Variants in TRIM65 observed in about 807,000 individuals in gnomAD.
TRIM65 encodes E3 ubiquitin-protein ligase TRIM65.
A neutral mutation model predicts 36.1 loss-of-function variants in TRIM65; 46 were observed. That is an observed-to-expected ratio of 1.27 (90% confidence interval 1.01 to 1.63). The LOEUF (loss-of-function observed/expected upper bound fraction) is 1.63, where lower values mean the gene tolerates loss of function less well. Ranked by LOEUF, TRIM65 falls within the 40% of genes most tolerant of loss-of-function variation. The probability of loss-of-function intolerance (pLI) is 0.00; values close to 1 mark genes in which losing one functional copy is unlikely to be tolerated. For missense variants in TRIM65, 708 were observed against 696.6 expected (o/e 1.02, Z -0.18); for synonymous variants, 346 against 313.6 (o/e 1.10, Z -1.09).
rs867138874 is a variant in TRIM65, at chr17:75,895,179, T to G, written c.414+1345A>C. Among the ~76,000 whole-genome samples the G allele has an allele frequency of 2.6e-5, 4 of 152,284 alleles. 1 individual carries two copies. The Middle Eastern group carries it at 0.01, about 388-fold the overall frequency. On this transcript the variant is annotated intron_variant, in intron 1 of 5. Transcript: ENST00000269383. Reference sequence around the variant, plus strand: ...TTGCCGCCCTCTCTGCTGTCCCCCGTGTCCCCTCTGGCCTGCTTTCGCCTC... The same window carrying G: ...TTGCCGCCCTCTCTGCTGTCCCCCGGGTCCCCTCTGGCCTGCTTTCGCCTC...
chr17:75,896,477 A>G, intron 1 of TRIM65, 47 bp downstream of exon 1: 2 of 1,289,226 alleles, frequency 1.6e-6, no homozygotes, highest in Non-Finnish European at 9.8e-7. Flanking sequence ...GGCGGTGGCC[A>G]GGCTGCGGCG....
At chr17:75,895,421 C>A (rs2144101692) in intron 1 of TRIM65, among the ~76,000 whole-genome samples, 2 of 152,262 alleles carry the variant, frequency 1.3e-5, no homozygotes, top group Non-Finnish European at 2.9e-5. Flanking sequence ...CCCCATGACC[C>A]TACAGTAAGA....
At position 75,892,088 on chromosome 17, in the gene TRIM65, C is replaced by T; in HGVS notation, c.842G>A (p.Ser281Asn). ...QQLGDLKQLL[S>N]RLCGLLLEEG... ...TTCCAAGAGGAGGCCACACAGCCGGCTTAGCAACTGCTTCAGGTCACCCAG... is the reference window on the plus strand; with the variant it reads ...TTCCAAGAGGAGGCCACACAGCCGGTTTAGCAACTGCTTCAGGTCACCCAG... The change falls in exon 4 of 6, where the codon AGC becomes AAC. Residue 281 changes from serine (S) to asparagine (N), a missense_variant. Physicochemically the swap from Ser to Asn is conservative, Grantham distance 46. Transcript: ENST00000269383. 1 of 1,553,102 alleles carries T rather than the reference C, an allele frequency of 6.4e-7. No homozygotes were observed. The highest frequency in any genetic ancestry group is 1.2e-5 in the South Asian group (1 of 84,200).
rs772443488 is a variant in TRIM65 at position 75,891,112 on chromosome 17, G to T, written c.1221C>A (p.Cys407Ter). ...LGVSYPQLPR[C>*]RLGPHTDNIG... ...TGTTGTCTGTGTGGGGCCCCAGCCT[G>T]CACCGTGGCAGTTGCGGGTAGGAGA... Residue 407 changes from cysteine (C) to a stop codon, truncating the protein, a stop_gained, in exon 6 of 6, where the codon TGC (cysteine) becomes TGA (stop). Transcript: ENST00000269383. LOFTEE classifies it low-confidence loss of function (END_TRUNC). 1 of 1,609,254 alleles carries T rather than the reference G, an allele frequency of 6.2e-7. No individual in the cohort carries two copies. Among genetic ancestry groups the T allele is most frequent in the Non-Finnish European group, 8.5e-7 (1 of 1,179,898 alleles).
At position 75,889,104 on chromosome 17, in the gene TRIM65, T is replaced by G. The variant is rs1357576397; in HGVS notation, c.*1675A>C. 1 of 149,820 alleles carries G rather than the reference T, an allele frequency of 6.7e-6. No homozygotes were observed. Among genetic ancestry groups the G allele is most frequent in the East Asian group, 2.0e-4 (1 of 5,058 alleles). The allele number at this position is 149,820 out of a possible 1,614,324, so 9.3% of individuals were successfully genotyped here. On this transcript the variant is annotated 3_prime_UTR_variant, in exon 6 of 6. Transcript: ENST00000269383. ...CAGAGTCTCGCTCTGTCACCCAGGC[T>G]GTAGTCCAGTGGTGCAATCTCAGCT...
rs1335430428 is a variant in TRIM65 at position 75,890,355 on chromosome 17, G to C, written c.*424C>G. 6.3e-6 allele frequency: 1 copy of C among 159,764 alleles called. No individual in the cohort carries two copies. Among genetic ancestry groups the C allele is most frequent in the African/African-American group, 2.4e-5 (1 of 41,772 alleles). 9.9% of individuals were successfully genotyped at this position (159,764 alleles called of 1,614,324 possible). A position where few individuals can be genotyped will look rare whatever the true frequency, so the allele number is the denominator to read the frequency against. On this transcript the variant is annotated 3_prime_UTR_variant, in exon 6 of 6. Coordinates refer to ENST00000269383, the MANE Select transcript of TRIM65 (RefSeq NM_173547.4). ...AAAATTAAAGAGAGCTGCAGGCGGG[G>C]AGGAGGGAGGAATCTGTCTCCCCCT...
At chr17:75,893,704 C>T (rs1255478421) in intron 1 of TRIM65, among the ~76,000 whole-genome samples, 6 of 152,220 alleles carry the variant, frequency 3.9e-5, no homozygotes, top group East Asian at 1.9e-4. Context: ...AGAGCTCCTC[C>T]GGGCCCCCAG....
chr17:75,890,186 G>C lies in TRIM65; in HGVS notation c.*593C>G, dbSNP rs988976472. On this transcript the variant is annotated 3_prime_UTR_variant, in exon 6 of 6. Coordinates refer to ENST00000269383, the MANE Select transcript of TRIM65 (RefSeq NM_173547.4). ...GCCATGATTGTGCCACTGTACTCCA[G>C]CCTGAGTGACAGAGCAAGACCATCT... 2 of 152,212 alleles carry C rather than the reference G, an allele frequency of 1.3e-5. No homozygotes were observed. Among genetic ancestry groups the C allele is most frequent in the African/African-American group, 4.8e-5 (2 of 41,434 alleles). 9.4% of individuals were successfully genotyped at this position (152,212 alleles called of 1,614,324 possible). A position where few individuals can be genotyped will look rare whatever the true frequency, so the allele number is the denominator to read the frequency against.
chr17:75,886,521 C>CAAA (rs537579897), downstream of TRIM65, among the ~76,000 whole-genome samples: 1 of 77,002 alleles, frequency 1.3e-5, no homozygotes. Flanking sequence ...GACTCCGTTT[C>CAAA]AAAAAAAAAA....
At chr17:75,883,640 G>T (rs2065184402) in intron 4 of TRIM65, among the ~76,000 whole-genome samples, 1 of 143,514 alleles carries the variant, frequency 7.0e-6, no homozygotes, top group Non-Finnish European at 1.5e-5. Flanking sequence ...CCATTCTCCT[G>T]CCTCAGCCTC....
At chr17:75,893,797 C>T (rs941020254) in intron 1 of TRIM65, among the ~76,000 whole-genome samples, 1 of 152,046 alleles carries the variant, frequency 6.6e-6, no homozygotes, top group African/African-American at 2.4e-5. Flanking sequence ...GGACAGGCAC[C>T]CCCATGTCCC....
chr17:75,886,806 A>G (rs1350782624), downstream of TRIM65, among the ~76,000 whole-genome samples: 4 of 152,110 alleles, frequency 2.6e-5, no homozygotes, highest in African/African-American at 9.7e-5. Flanking sequence ...CAAGCTAATC[A>G]AACACGTCCC....
chr17:75,893,178 ACCCCCCAC>A (rs951058917), intron 1 of TRIM65, among the ~76,000 whole-genome samples: 5 of 152,066 alleles, frequency 3.3e-5, no homozygotes, highest in African/African-American at 9.7e-5. Context: ...TCTGGGCCTA[ACCCCCCAC>A]CCATCAATAC....
intron 1 of TRIM65, among the ~76,000 whole-genome samples, chr17:75,893,178 A>AC (rs1413202114): frequency 6.6e-5 from 10 of 152,184 alleles, no homozygotes; most frequent in African/African-American, 1.4e-4. Flanking sequence ...TCTGGGCCTA[A>AC]CCCCCCACCC....
chr17:75,891,989 G>A, intron 4 of TRIM65, 22 bp downstream of exon 4: 1 of 1,551,454 alleles, frequency 6.4e-7, no homozygotes, highest in Non-Finnish European at 8.7e-7. Context: ...GACAGCAGGG[G>A]GAGGCCTGGG....
In TRIM65 at chr17:75,891,306, G is replaced by A. The variant is rs751968100; in HGVS notation, c.1027C>T (p.His343Tyr). The A allele has an allele frequency of 1.9e-6, 3 of 1,613,312 alleles. No individual in the cohort carries two copies. The South Asian group carries it at 3.3e-5, about 18-fold the overall frequency. Residue 343 changes from histidine to tyrosine, a missense_variant, in exon 6 of 6, where the codon CAC becomes TAC. Physicochemically the swap from His to Tyr is moderately conservative, Grantham distance 83. Transcript: ENST00000269383. ...LTFDPVSANR[H>Y]FYLSRQDQQV... Reference sequence around the variant, plus strand: ...TGGTCCTGGCGCGACAGATAGAAGTGACGGTTGGCGCTGACTGGATCAAAG... The same window carrying A: ...TGGTCCTGGCGCGACAGATAGAAGTAACGGTTGGCGCTGACTGGATCAAAG...
rs934089173 is a variant in TRIM65, at chr17:75,890,493, G to C, written c.*286C>G. The C allele has an allele frequency of 6.4e-6, 2 of 311,810 alleles. No individual in the cohort carries two copies. The highest frequency in any genetic ancestry group is 1.2e-5 in the Non-Finnish European group (2 of 172,814). 19.3% of individuals were successfully genotyped at this position (311,810 alleles called of 1,614,324 possible). On this transcript the variant is annotated 3_prime_UTR_variant, in exon 6 of 6. Coordinates refer to ENST00000269383, the MANE Select transcript of TRIM65 (RefSeq NM_173547.4). ...TCACACACGCTGTCCTGTAAGCCCA[G>C]AAGTCCCCTGGGCACTGCTCTCGCC...
intron 4 of TRIM65, among the ~76,000 whole-genome samples, chr17:75,882,665 A>G (rs552755060): frequency 1.3e-5 from 2 of 150,602 alleles, no homozygotes; most frequent in Non-Finnish European, 2.9e-5. Context: ...CTGTCTGTCC[A>G]AGGACCCTAT....
chr17:75,892,638 G>T, intron 2 of TRIM65, 117 bp downstream of exon 2: 1 of 1,239,380 alleles, frequency 8.1e-7, no homozygotes. Context: ...CAGGACCCCT[G>T]TGCCCAGCTC....
Sources: gnomAD v4.1 joint callset for allele counts (sites outside exome capture counted in the v4.1 genomes callset) on GRCh38, gnomAD v4.1.1 for gene constraint, MANE v1.5 for transcripts, NCBI Gene and HGNC (gene_info 2026-07-23, HGNC 2026-07-21) for gene names.